The following ERAP1 variants were observed in gnomAD, a reference collection of about 807,000 sequenced individuals.
The protein encoded by ERAP1 is endoplasmic reticulum aminopeptidase 1.
ERAP1 carries 86 observed loss-of-function variants against 103.7 expected under a neutral mutation model. That is an observed-to-expected ratio of 0.83 (90% CI 0.70 to 0.99). The LOEUF (loss-of-function observed/expected upper bound fraction) is 0.99. ERAP1 is among the 50% of genes least tolerant of loss of function. ERAP1 has a pLI of 0.00. For missense variants in ERAP1, 1,009 were observed against 1,128.4 expected (o/e 0.89, Z 1.52); for synonymous variants, 398 against 402.4 (o/e 0.99, Z 0.13).
the ERAP1 span, among the ~76,000 whole-genome samples, chr5:96,830,244 T>C: frequency 6.6e-6 from 1 of 152,196 alleles, no homozygotes; most frequent in Non-Finnish European, 1.5e-5. Flanking sequence ...AGAAATTACA[T>C]GATGATTCGA....
At chr5:96,892,846 C>G in the ERAP1 span, among the ~76,000 whole-genome samples, 2 of 152,174 alleles carry the variant, frequency 1.3e-5, no homozygotes, top group African/African-American at 4.8e-5. Flanking sequence ...CAAAATCACT[C>G]TTCCTTCAGT....
the ERAP1 span, chr5:96,881,398 T>C: frequency 2.2e-6 from 1 of 455,980 alleles, no homozygotes; most frequent in Admixed American, 2.4e-5. Flanking sequence ...ATATTGGTCA[T>C]GTGAGGTGAG....
the ERAP1 span, among the ~76,000 whole-genome samples, chr5:96,930,261 G>A: frequency 6.6e-6 from 1 of 152,158 alleles, no homozygotes; most frequent in Non-Finnish European, 1.5e-5. Flanking sequence ...CCCATCTCCA[G>A]AGAATGCACA....
chr5:96,896,537 C>A, the ERAP1 span: 1 of 1,560,404 alleles, frequency 6.4e-7, no homozygotes, highest in Non-Finnish European at 8.6e-7. Flanking sequence ...GGAAGCTCTG[C>A]TTTCAGAAGT....
At chr5:96,897,319 T>G in the ERAP1 span, among the ~76,000 whole-genome samples, 1 of 152,336 alleles carries the variant, frequency 6.6e-6, no homozygotes, top group African/African-American at 2.4e-5. Context: ...CTTTACTAGC[T>G]GAAATGCCCT....
At chr5:96,841,502 ATC>A in the ERAP1 span, among the ~76,000 whole-genome samples, 1 of 152,148 alleles carries the variant, frequency 6.6e-6, no homozygotes, top group Non-Finnish European at 1.5e-5. Context: ...TGGAGCAGGG[ATC>A]TCTCTCAGAG....
At chr5:96,881,351 A>G in the ERAP1 span, 22 of 451,498 alleles carry the variant, frequency 4.9e-5, no homozygotes, top group South Asian at 3.4e-4. Flanking sequence ...TGAACTTGGC[A>G]GTTATTTTGG....
chr5:96,885,763 G>T, the ERAP1 span, among the ~76,000 whole-genome samples: 29 of 152,282 alleles, frequency 1.9e-4, 1 homozygote, highest in East Asian at 5.6e-3. Flanking sequence ...CAGATTATTG[G>T]ATCTGTATCC....
intron 3 of ERAP1, among the ~76,000 whole-genome samples, chr5:96,798,490 A>C (rs1009812156): frequency 3.3e-5 from 5 of 152,100 alleles, no homozygotes; most frequent in Non-Finnish European, 7.4e-5. Flanking sequence ...ACGGAGATGG[A>C]AAAAGAACCA....
the ERAP1 span, chr5:96,883,805 A>G: frequency 6.2e-7 from 1 of 1,610,664 alleles, no homozygotes; most frequent in Non-Finnish European, 8.5e-7. Flanking sequence ...TCTTGCAGTA[A>G]CAGATTTTGA....
rs758171351 is a variant in ERAP1, at chr5:96,765,266, A to T, written c.2819-2038T>A. ...TGATGCCTTGGATAAACTCTCTGAC[A>T]GTCTAGGACAAAGGCAGCCTGACCC... On this transcript the variant is annotated intron_variant, in intron 19 of 19. Transcript: ENST00000296754. 5.0e-6 allele frequency: 8 copies of T among 1,608,602 alleles called. No homozygotes were observed. In the East Asian group the frequency reaches 1.6e-4, roughly 31 times the overall value.
At position 96,790,615 on chromosome 5, in the gene ERAP1, T is replaced by C. The variant is rs781740371; in HGVS notation, c.1349A>G (p.Glu450Gly). Reference sequence around the variant, plus strand: ...TTTAAATGCGTCAGCACTAAGATACTCCCTTAGCATATTCAGAATACAAGC... The same window carrying C: ...TTTAAATGCGTCAGCACTAAGATACCCCCTTAGCATATTCAGAATACAAGC... ...KGACILNMLR[E>G]YLSADAFKSG... is the part of the protein sequence containing the mutation. The change falls in exon 9 of 19, where the codon GAG (glutamate) becomes GGG (glycine). Residue 450 changes from glutamate to glycine, a missense_variant. Glu to Gly is a moderately conservative substitution (Grantham distance 98, BLOSUM62 -2). Around this residue, in one of 3 missense-constraint regions of ERAP1, gnomAD observed 611 missense variants for 651.7 expected, o/e 0.94. Transcript: ENST00000443439. 1.2e-6 allele frequency: 2 copies of C among 1,610,396 alleles called. No individual in the cohort carries two copies. Among genetic ancestry groups the C allele is most frequent in the East Asian group, 4.5e-5 (2 of 44,862 alleles).
Position 96,775,549 on chromosome 5 carries a change from T to C in ERAP1, c.*847A>G. The C allele has an allele frequency of 2.1e-6, 2 of 964,616 alleles. No individual in the cohort carries two copies. Among genetic ancestry groups the C allele is most frequent in the Non-Finnish European group, 2.5e-6 (2 of 811,114 alleles). 59.8% of individuals were successfully genotyped at this position (964,616 alleles called of 1,614,324 possible). A position where few individuals can be genotyped will look rare whatever the true frequency, so the allele number is the denominator to read the frequency against. On this transcript the variant is annotated 3_prime_UTR_variant, in exon 19 of 19. Transcript: ENST00000443439. ...AATAGATGACACTCACTCAGAATTA[T>C]CTGAGGAGGGTTCTATAAAAAGATT...
the ERAP1 span, among the ~76,000 whole-genome samples, chr5:96,914,374 C>A: frequency 6.6e-6 from 1 of 152,180 alleles, no homozygotes; most frequent in Non-Finnish European, 1.5e-5. Context: ...CACAGCTTTG[C>A]GTAAGCAAAA....
rs777597802 is a variant in ERAP1 at position 96,792,093 on chromosome 5, G to A, written c.1288C>T (p.Arg430Trp). 1.0e-4 allele frequency: 163 copies of A among 1,613,966 alleles called. No individual in the cohort carries two copies. The East Asian group carries it at 1.7e-3, about 17-fold the overall frequency. Residue 430 changes from arginine to tryptophan, a missense_variant, in exon 8 of 19, where the codon CGG (arginine) becomes TGG (tryptophan). Coordinates refer to ENST00000443439, the MANE Select transcript of ERAP1 (RefSeq NM_001040458.3). ...TAAGAAACATCATCAAACATCTCCC[G>A]GATCTGAGCAGGATTTTCCACAGGT... is the stretch of plus-strand genomic sequence containing the variant. ...STPVENPAQI[R>W]EMFDDVSYDK...
chr5:96,867,733 G>GA, the ERAP1 span, among the ~76,000 whole-genome samples: 1 of 151,592 alleles, frequency 6.6e-6, no homozygotes. Context: ...TCATGGTGGG[G>GA]AAAAAAAAGG....
the ERAP1 span, among the ~76,000 whole-genome samples, chr5:96,911,921 G>A: frequency 2.7e-5 from 4 of 149,498 alleles, no homozygotes; most frequent in African/African-American, 7.4e-5. Flanking sequence ...CGGGCGCGGT[G>A]GCTCACGCCT....
chr5:96,842,547 G>T, the ERAP1 span, among the ~76,000 whole-genome samples: 1 of 152,140 alleles, frequency 6.6e-6, no homozygotes, highest in African/African-American at 2.4e-5. Flanking sequence ...TAGTGATGTT[G>T]AGCATTTTTT....
the ERAP1 span, among the ~76,000 whole-genome samples, chr5:96,915,248 A>T: frequency 6.6e-6 from 1 of 152,152 alleles, no homozygotes. Context: ...ACCTCAGGTG[A>T]TCCACCCACC....
Sources: gnomAD v4.1 joint callset for allele counts (sites outside exome capture counted in the v4.1 genomes callset) on GRCh38, gnomAD v4.1.1 for gene constraint, gnomAD v4.1.1 regional missense constraint, MANE v1.5 for transcripts, NCBI Gene and HGNC (gene_info 2026-07-23, HGNC 2026-07-21) for gene names.